Variants in PRKN observed in about 807,000 individuals in gnomAD.
The protein encoded by PRKN is parkin RBR E3 ubiquitin protein ligase.
A neutral mutation model predicts 59.5 loss-of-function variants in PRKN; 56 were observed. That is an observed-to-expected ratio of 0.94 (90% CI 0.76 to 1.18). The LOEUF is 1.18. PRKN is among the 50% of genes most tolerant of loss of function. The pLI is 0.00. For synonymous variants in PRKN, 250 were observed against 222.1 expected (o/e 1.13, Z -1.12); for missense variants, 657 against 596.4 (o/e 1.10, Z -1.06).
intron 1 of PRKN, among the ~76,000 whole-genome samples, chr6:162,478,450 C>T (rs1435124925): frequency 6.6e-6 from 1 of 152,168 alleles, no homozygotes; most frequent in East Asian, 1.9e-4. Flanking sequence ...ACATCTAACA[C>T]AGAGCTTGCA....
chr6:161,698,674 T>C (rs1490505892), intron 7 of PRKN, among the ~76,000 whole-genome samples: 1 of 152,134 alleles, frequency 6.6e-6, no homozygotes, highest in Non-Finnish European at 1.5e-5. Flanking sequence ...ATATGGACAA[T>C]TGATTTTTTG....
chr6:161,626,604 T>C (rs1783099676), intron 7 of PRKN, among the ~76,000 whole-genome samples: 2 of 152,148 alleles, frequency 1.3e-5, no homozygotes, highest in Non-Finnish European at 2.9e-5. Context: ...TCCACTGATA[T>C]TTACAGCTTT....
rs538111865 is a variant in PRKN at position 161,732,998 on chromosome 6, T to A, written c.871+52774A>T. 6.0e-4 allele frequency among the ~76,000 whole-genome samples: 92 copies of A among 152,256 alleles called. 2 individuals carry two copies. Among genetic ancestry groups the A allele is most frequent in the South Asian group, 1.7e-3 (8 of 4,820 alleles). On this transcript the variant is annotated intron_variant, in intron 7 of 11. Coordinates refer to ENST00000366898, the MANE Select transcript of PRKN (RefSeq NM_004562.3). ...GGGCGTAGGAACCTCTCAGTAAAGA[T>A]TGCCTTTCTACTTCAGAAAATGCTG...
chr6:162,641,755 G>A (rs570078282), intron 1 of PRKN, among the ~76,000 whole-genome samples: 1 of 152,250 alleles, frequency 6.6e-6, no homozygotes, highest in East Asian at 1.9e-4. Flanking sequence ...ACATAGAGAA[G>A]TCATTTTCTA....
chr6:161,895,604 G>T (rs1286033777), intron 6 of PRKN, among the ~76,000 whole-genome samples: 1 of 118,860 alleles, frequency 8.4e-6, no homozygotes, highest in African/African-American at 3.3e-5. Context: ...AGATTCAGGA[G>T]CACGCCCACC....
intron 2 of PRKN, among the ~76,000 whole-genome samples, chr6:162,358,379 T>C (rs1784968319): frequency 6.6e-6 from 1 of 152,204 alleles, no homozygotes; most frequent in South Asian, 2.1e-4. Context: ...TCTAATTCAA[T>C]CAAGCTTGGT....
At chr6:162,148,175 T>A (rs968116665) in intron 4 of PRKN, among the ~76,000 whole-genome samples, 4 of 152,086 alleles carry the variant, frequency 2.6e-5, no homozygotes, top group Non-Finnish European at 4.4e-5. Context: ...TCCAAAAAAA[T>A]TTATCTATAA....
rs964655523 is a variant in PRKN, at chr6:161,369,533, C to T, written c.1168-9328G>A. Among the ~76,000 whole-genome samples, 2 of 152,108 alleles carry T rather than the reference C, an allele frequency of 1.3e-5. No individual in the cohort carries two copies. Among genetic ancestry groups the T allele is most frequent in the African/African-American group, 2.4e-5 (1 of 41,406 alleles). ...AGGAGGGGAAGGTTTTGTTGTGATT[C>T]AGCATCACCGCCCGATTGTGCAATA... On this transcript the variant is annotated intron_variant, in intron 10 of 11. Coordinates refer to ENST00000366898, the MANE Select transcript of PRKN (RefSeq NM_004562.3). The surrounding 1 kb of genome is among the most constrained non-coding windows in gnomAD (Gnocchi z 5.8).
chr6:161,874,277 ATAT>A lies in PRKN; in HGVS notation c.735-88372_735-88370del, dbSNP rs1214661311. ...ATATTATATGTAAAATATATAATAT[ATAT>A]TATATATTATATATTACATGTAAAA... On this transcript the variant is annotated intron_variant, in intron 6 of 11. Transcript: ENST00000366898. Among the ~76,000 whole-genome samples, 154 of 32,866 alleles carry A rather than the reference ATAT, an allele frequency of 4.7e-3. 39 individuals carry two copies. The highest frequency in any genetic ancestry group is 0.013 in the African/African-American group (111 of 8,598). 21.6% of individuals were successfully genotyped at this position (32,866 alleles called of 152,430 possible). A position where few individuals can be genotyped will look rare whatever the true frequency, so the allele number is the denominator to read the frequency against.
rs1787041440 is a variant in PRKN, at chr6:161,401,335, G to C, written c.1084-14458C>G. 1.3e-5 allele frequency among the ~76,000 whole-genome samples: 2 copies of C among 152,164 alleles called. No homozygotes were observed. The highest frequency in any genetic ancestry group is 4.1e-4 in the South Asian group (2 of 4,830). On this transcript the variant is annotated intron_variant, in intron 9 of 11. Coordinates refer to ENST00000366898, the MANE Select transcript of PRKN (RefSeq NM_004562.3). This position sits in a 1 kb window ranked among gnomAD's most constrained non-coding sequence, Gnocchi z 4.4. Reference sequence around the variant, plus strand: ...AATTTTAAAAGTTAGAGTTGGCCGGGCATGGTGGCTCACATCTGTAATCCC... The same window carrying C: ...AATTTTAAAAGTTAGAGTTGGCCGGCCATGGTGGCTCACATCTGTAATCCC...
intron 7 of PRKN, among the ~76,000 whole-genome samples, chr6:161,757,385 G>A (rs1302244013): frequency 2.6e-5 from 4 of 152,142 alleles, no homozygotes; most frequent in Admixed American, 2.0e-4. Flanking sequence ...CATTTTTATA[G>A]TAAGAATGCA....
At chr6:162,380,529 A>C (rs988073662) in intron 2 of PRKN, among the ~76,000 whole-genome samples, 1 of 142,550 alleles carries the variant, frequency 7.0e-6, no homozygotes, top group Non-Finnish European at 1.5e-5. Context: ...ATATATGTAT[A>C]TATACATATA....
intron 5 of PRKN, among the ~76,000 whole-genome samples, chr6:161,980,284 T>C (rs879305153): frequency 5.9e-5 from 9 of 152,218 alleles, no homozygotes; most frequent in Non-Finnish European, 1.2e-4. Flanking sequence ...CAAATCCTTC[T>C]TAGTTAATAT....
chr6:161,405,744 G>A lies in PRKN; in HGVS notation c.1084-18867C>T, dbSNP rs948764196. ...TGAGTGCTCACAGCCAGGCAGGCTC[G>A]TGTTCCAAGTCTCGTACCCGTTGGG... On this transcript the variant is annotated intron_variant, in intron 9 of 11. Coordinates refer to ENST00000366898, the MANE Select transcript of PRKN (RefSeq NM_004562.3). The surrounding 1 kb of genome is among the most constrained non-coding windows in gnomAD (Gnocchi z 5.1). Among the ~76,000 whole-genome samples the A allele has an allele frequency of 2.0e-5, 3 of 152,034 alleles. No homozygotes were observed. Among genetic ancestry groups the A allele is most frequent in the Non-Finnish European group, 4.4e-5 (3 of 68,000 alleles).
chr6:162,256,129 A>G (rs551936757), intron 3 of PRKN, among the ~76,000 whole-genome samples: 1 of 152,268 alleles, frequency 6.6e-6, no homozygotes, highest in African/African-American at 2.4e-5. Context: ...ATTATAGTCA[A>G]ATAGATGAAG....
chr6:161,975,872 G>A (rs766898456), intron 5 of PRKN, among the ~76,000 whole-genome samples: 6 of 152,200 alleles, frequency 3.9e-5, no homozygotes, highest in Admixed American at 1.3e-4. Context: ...TACATCTTAC[G>A]TAAAATATGT....
rs186449889 is a variant in PRKN at position 162,234,014 on chromosome 6, T to C, written c.412+28511A>G. ...GCAACAGAAAATGGACTAAGACATA[T>C]ACTGAAGAGTTGATGACAAAAATAA... On this transcript the variant is annotated intron_variant, in intron 3 of 11. Coordinates refer to ENST00000366898, the MANE Select transcript of PRKN (RefSeq NM_004562.3). Among the ~76,000 whole-genome samples the C allele has an allele frequency of 4.2e-4, 64 of 152,272 alleles. 1 individual carries two copies. The East Asian group carries it at 9.8e-3, about 23-fold the overall frequency.
chr6:162,374,947 T>C (rs1245182648), intron 2 of PRKN, among the ~76,000 whole-genome samples: 2 of 152,130 alleles, frequency 1.3e-5, no homozygotes, highest in African/African-American at 2.4e-5. Flanking sequence ...CAATTGAATC[T>C]TTATAATTTT....
chr6:161,503,776 CAA>C lies in PRKN; in HGVS notation c.1083+45076_1083+45077del, dbSNP rs1283389681. On this transcript the variant is annotated intron_variant, in intron 9 of 11. Transcript: ENST00000366898. This position sits in a 1 kb window ranked among gnomAD's most constrained non-coding sequence, Gnocchi z 5.1. ...ACTGCACCACAGGGTGGCCGTGACA[CAA>C]AGTCAGATGTGAGCATTCTTTTAGA... 1.3e-5 allele frequency among the ~76,000 whole-genome samples: 2 copies of C among 152,194 alleles called. No homozygotes were observed. The highest frequency in any genetic ancestry group is 2.9e-5 in the Non-Finnish European group (2 of 68,030).
Sources: allele counts gnomAD v4.1 joint callset (sites outside exome capture counted in the v4.1 genomes callset), GRCh38; gene constraint gnomAD v4.1.1; non-coding constraint Gnocchi (gnomAD v3.1); transcripts MANE v1.5; gene names NCBI Gene and HGNC (gene_info 2026-07-23, HGNC 2026-07-21).